AKAP1: variants seen among roughly 807,000 people sequenced by gnomAD.
AKAP1 encodes A-kinase anchor protein 1, mitochondrial.
Under a neutral mutation model 79.8 loss-of-function variants are expected in AKAP1, and 32 were observed. That is an observed-to-expected ratio of 0.40 (90% CI 0.30 to 0.54). The LOEUF is 0.54. Among genes scored for constraint, AKAP1 ranks in the 20% least tolerant of loss-of-function variants. The pLI is 0.47. For synonymous variants in AKAP1, 416 were observed against 466.7 expected, an observed-to-expected ratio of 0.89 and a Z score of 1.40; for missense variants, 961 against 1,138.9, an observed-to-expected ratio of 0.84 and a Z score of 2.25.
rs763749056 is a variant in AKAP1, at chr17:57,086,142, T to G, written c.-25+744T>G. ...GCCCCTGCAGGCGTGTCCGGAGGGGTGGAGGCCGTCCAGCCTGGGGTGTCT... is the reference window on the plus strand; with the variant it reads ...GCCCCTGCAGGCGTGTCCGGAGGGGGGGAGGCCGTCCAGCCTGGGGTGTCT... On this transcript the variant is annotated intron_variant, in intron 1 of 10. Transcript: ENST00000337714. This position sits in a 1 kb window ranked among gnomAD's most constrained non-coding sequence, Gnocchi z 5.1. The G allele has an allele frequency of 9.6e-4, 293 of 306,370 alleles. No individual in the cohort carries two copies. The highest frequency in any genetic ancestry group is 1.5e-3 in the Non-Finnish European group (235 of 156,340). The allele number at this position is 306,370 out of a possible 1,614,324, so 19.0% of individuals were successfully genotyped here. A position where few individuals can be genotyped will look rare whatever the true frequency, so the allele number is the denominator to read the frequency against.
At chr17:57,118,836 G>T in intron 9 of AKAP1, 146 bp from the exon 10 acceptor site, 1 of 844,820 alleles carries the variant, frequency 1.2e-6, no homozygotes, top group Non-Finnish European at 2.0e-6. Flanking sequence ...GACGAGAACA[G>T]CATGGGCACA....
intron 1 of AKAP1, among the ~76,000 whole-genome samples, chr17:57,100,571 C>G (rs1287375996): frequency 6.6e-6 from 1 of 152,094 alleles, no homozygotes; most frequent in Non-Finnish European, 1.5e-5. Flanking sequence ...AAGCCGAGAT[C>G]GTGCCCACTG....
At position 57,108,151 on chromosome 17, in the gene AKAP1, T is replaced by C. The variant is rs1054034281; in HGVS notation, c.1714+973T>C. 1.5e-5 allele frequency: 9 copies of C among 580,652 alleles called. No individual in the cohort carries two copies. The African/African-American group carries it at 1.9e-4, about 12-fold the overall frequency. The allele number at this position is 580,652 out of a possible 1,614,324, so 36.0% of individuals were successfully genotyped here. Reference sequence around the variant, plus strand: ...CCCGAGTGGCTCTCTGACTTGTTTGTCCTGGAGCCATTCCCTCCCATTTCA... The same window carrying C: ...CCCGAGTGGCTCTCTGACTTGTTTGCCCTGGAGCCATTCCCTCCCATTTCA... On this transcript the variant is annotated intron_variant, in intron 2 of 10. Coordinates refer to ENST00000337714, the MANE Select transcript of AKAP1 (RefSeq NM_003488.4).
At chr17:57,113,713 C>T (rs567620218) in intron 5 of AKAP1, among the ~76,000 whole-genome samples, 2 of 149,954 alleles carry the variant, frequency 1.3e-5, no homozygotes, top group Admixed American at 6.7e-5. Context: ...AACGATTATC[C>T]TGCCCCAGCC....
intron 5 of AKAP1, 130 bp from the exon 6 acceptor site, chr17:57,114,329 T>C (rs370963970): frequency 1.9e-6 from 2 of 1,079,614 alleles, no homozygotes; most frequent in African/African-American, 1.6e-5. Flanking sequence ...ACCTTCTGGG[T>C]GCCATGTTGT....
At chr17:57,118,328 G>A (rs951867041) in intron 8 of AKAP1, 53 bp from the exon 9 acceptor site, 1 of 1,540,018 alleles carries the variant, frequency 6.5e-7, no homozygotes, top group Non-Finnish European at 9.0e-7. Flanking sequence ...ACATGACAAG[G>A]GTGCCTTGCC....
intron 3 of AKAP1, among the ~76,000 whole-genome samples, chr17:57,110,519 A>G (rs1915176200): frequency 6.6e-6 from 1 of 152,230 alleles, no homozygotes; most frequent in African/African-American, 2.4e-5. Context: ...AGCTCTGCTC[A>G]AGTGCTCCAA....
chr17:57,098,711 TTGAC>T (rs1269396636), intron 1 of AKAP1: 4 of 152,114 alleles, frequency 2.6e-5, no homozygotes, highest in Non-Finnish European at 5.9e-5. Context: ...AGAAGTCTGT[TTGAC>T]TGAGGTGAGA....
intron 8 of AKAP1, 99 bp downstream of exon 8, chr17:57,117,026 ACATAAGTTGCTAC>A: frequency 8.1e-7 from 1 of 1,239,780 alleles, no homozygotes; most frequent in Non-Finnish European, 1.2e-6. Flanking sequence ...ATTTATGCTA[ACATAAGTTGCTAC>A]CACTCAAGAG....
chr17:57,090,029 G>A (rs984681945), intron 1 of AKAP1, among the ~76,000 whole-genome samples: 4 of 152,152 alleles, frequency 2.6e-5, no homozygotes, highest in Non-Finnish European at 4.4e-5. Flanking sequence ...TCTCTTAAAC[G>A]AGGTTGTGTT....
At chr17:57,119,121 G>C in intron 10 of AKAP1, 77 bp downstream of exon 10, 3 of 1,491,376 alleles carry the variant, frequency 2.0e-6, no homozygotes, top group Non-Finnish European at 2.8e-6. Flanking sequence ...CCTGGGATTT[G>C]TTTCCTCTTG....
chr17:57,102,625 C>T (rs895865970), intron 1 of AKAP1, among the ~76,000 whole-genome samples: 7 of 151,920 alleles, frequency 4.6e-5, no homozygotes, highest in East Asian at 1.9e-4. Flanking sequence ...CCACAACTCC[C>T]GGCTCTCTCT....
rs3054874 is a variant in AKAP1, at chr17:57,119,830, C to CTT, written c.2638-401_2638-400dup. ...AAGCCATGTCCCCCACCCTGTTACTCTTTTTTTTTTTTTTTTTTTTGAGAC... is the reference window on the plus strand; with the variant it reads ...AAGCCATGTCCCCCACCCTGTTACTCTTTTTTTTTTTTTTTTTTTTTTGAGAC... On this transcript the variant is annotated intron_variant, in intron 10 of 10. Coordinates refer to ENST00000337714, the MANE Select transcript of AKAP1 (RefSeq NM_003488.4). Among the ~76,000 whole-genome samples, 412 of 70,298 alleles carry CTT rather than the reference C, an allele frequency of 5.9e-3. 83 individuals are homozygous for CTT. The highest frequency in any genetic ancestry group is 0.011 in the African/African-American group (168 of 15,286). The allele number at this position is 70,298 out of a possible 152,430, so 46.1% of individuals were successfully genotyped here.
chr17:57,117,655 C>A (rs1468745081), intron 8 of AKAP1, among the ~76,000 whole-genome samples: 8 of 152,054 alleles, frequency 5.3e-5, no homozygotes, highest in Non-Finnish European at 1.2e-4. Context: ...GGGGCAAGAT[C>A]TTTGTTTTGC....
rs541042947 is a variant in AKAP1 at position 57,117,101 on chromosome 17, A to G, written c.2500+174A>G. ...GGCCCAGGAACTTACATTGCTATCAAGTTCCCAGGTGAGACCAGTGCTGCT... is the reference window on the plus strand; with the variant it reads ...GGCCCAGGAACTTACATTGCTATCAGGTTCCCAGGTGAGACCAGTGCTGCT... On this transcript the variant is annotated intron_variant, in intron 8 of 10. Transcript: ENST00000337714. Among the ~76,000 whole-genome samples the G allele has an allele frequency of 6.3e-4, 96 of 152,352 alleles. 2 individuals are homozygous for G. Among genetic ancestry groups the G allele is most frequent in the Admixed American group, 6.3e-3 (96 of 15,312 alleles).
At chr17:57,087,884 C>T (rs917549398) in intron 1 of AKAP1, among the ~76,000 whole-genome samples, 37 of 152,146 alleles carry the variant, frequency 2.4e-4, no homozygotes, top group African/African-American at 8.0e-4. Flanking sequence ...GAGAGCTGGC[C>T]GTAGAGTTCC....
intron 1 of AKAP1, among the ~76,000 whole-genome samples, chr17:57,099,536 A>C (rs1914352746): frequency 6.6e-6 from 1 of 152,164 alleles, no homozygotes; most frequent in Non-Finnish European, 1.5e-5. Flanking sequence ...AGCAGTATTC[A>C]GTGCCTTCTA....
chr17:57,088,654 T>C (rs1913600062), intron 1 of AKAP1, among the ~76,000 whole-genome samples: 1 of 152,244 alleles, frequency 6.6e-6, no homozygotes, highest in South Asian at 2.1e-4. Flanking sequence ...TCTCCTAATC[T>C]TTCTGCTGCT....
rs1406900483 is a variant in AKAP1 at position 57,105,572 on chromosome 17, T to C, written c.108T>C (p.His36=). The C allele has an allele frequency of 6.2e-7, 1 of 1,614,054 alleles. No individual in the cohort carries two copies. The highest frequency in any genetic ancestry group is 8.5e-7 in the Non-Finnish European group (1 of 1,180,008). Residue 36 remains histidine (H), a synonymous_variant, in exon 2 of 11, where the codon CAT becomes CAC. Coordinates refer to ENST00000337714, the MANE Select transcript of AKAP1 (RefSeq NM_003488.4). ...GTAAAAAAGGCCATGTCAGCAGCCA[T>C]GATGAGCAGCAGGTGGAGGCTGGTG... The part of the protein sequence containing the change: ...FSRKKGHVSS[H]DEQQVEAGAV...
Sources: gnomAD v4.1 joint callset for allele counts (sites outside exome capture counted in the v4.1 genomes callset) on GRCh38, gnomAD v4.1.1 for gene constraint, Gnocchi (gnomAD v3.1) non-coding constraint, MANE v1.5 for transcripts, NCBI Gene and HGNC (gene_info 2026-07-23, HGNC 2026-07-21) for gene names.